The following TPH2 variants were observed in gnomAD, a reference collection of about 807,000 sequenced individuals.
The protein encoded by TPH2 is tryptophan hydroxylase 2, also known as tryptophan 5-hydroxylase 2.
A neutral mutation model predicts 59.1 loss-of-function variants in TPH2; 27 were observed. The ratio of observed to expected loss-of-function variants is 0.46; its 90% CI spans 0.34 to 0.63. TPH2 has a LOEUF of 0.63. Among genes scored for constraint, TPH2 ranks in the 30% least tolerant of loss-of-function variants. TPH2 has a pLI of 0.01. For missense variants in TPH2, 523 were observed against 588.3 expected, an observed-to-expected ratio of 0.89 and a Z score of 1.15; for synonymous variants, 220 against 210.5, an observed-to-expected ratio of 1.05 and a Z score of -0.39.
chr12:72,023,798 T>C (rs530892380), intron 9 of TPH2, among the ~76,000 whole-genome samples: 1 of 126,854 alleles, frequency 7.9e-6, no homozygotes, highest in East Asian at 2.3e-4. Flanking sequence ...CATTCCAGCC[T>C]GGGAACAGAG....
chr12:72,031,135 A>C, intron 9 of TPH2, 123 bp from the exon 10 acceptor site: 1 of 1,284,868 alleles, frequency 7.8e-7, no homozygotes, highest in Non-Finnish European at 1.1e-6. Context: ...ATTTCATGAC[A>C]GACTAGTAAC....
intron 1 of TPH2, among the ~76,000 whole-genome samples, chr12:71,940,342 C>G (rs1871022282): frequency 6.6e-6 from 1 of 152,088 alleles, no homozygotes; most frequent in Admixed American, 6.5e-5. Flanking sequence ...AACTTCTTCC[C>G]TCCCTCAAGT....
chr12:71,987,508 T>C (rs2139216118), intron 7 of TPH2, among the ~76,000 whole-genome samples: 1 of 152,308 alleles, frequency 6.6e-6, no homozygotes, highest in African/African-American at 2.4e-5. Flanking sequence ...ATACCTAACT[T>C]ACGGGAACTA....
chr12:71,961,626 A>T, intron 5 of TPH2: 1 of 1,352,096 alleles, frequency 7.4e-7, no homozygotes, highest in Non-Finnish European at 9.8e-7. Flanking sequence ...TTTGAGCTCA[A>T]GCTCCTTGTG....
chr12:71,984,271 C>T lies in TPH2; in HGVS notation c.941+5184C>T, dbSNP rs139442326. On this transcript the variant is annotated intron_variant, in intron 7 of 10. Coordinates refer to ENST00000333850, the MANE Select transcript of TPH2 (RefSeq NM_173353.4). ...GTCAGGTGATTTTTCTTATAATTGCCGCTGTTTAATTTTATAAGAAAAATA... is the reference window on the plus strand; with the variant it reads ...GTCAGGTGATTTTTCTTATAATTGCTGCTGTTTAATTTTATAAGAAAAATA... Among the ~76,000 whole-genome samples the T allele has an allele frequency of 3.1e-4, 47 of 152,028 alleles. No individual in the cohort carries two copies. In the East Asian group the frequency reaches 8.3e-3, roughly 27 times the overall value.
intron 7 of TPH2, among the ~76,000 whole-genome samples, chr12:71,979,374 G>T (rs995545854): frequency 6.6e-6 from 1 of 152,160 alleles, no homozygotes; most frequent in East Asian, 1.9e-4. Context: ...AGAAGGCACA[G>T]AAGTGTAAAG....
intron 2 of TPH2, 75 bp from the exon 3 acceptor site, chr12:71,944,219 A>G: frequency 6.5e-7 from 1 of 1,527,046 alleles, no homozygotes; most frequent in East Asian, 2.3e-5. Flanking sequence ...CTTGCTTAAG[A>G]TGTGAACAAG....
intron 8 of TPH2, among the ~76,000 whole-genome samples, chr12:72,005,213 G>A (rs1039724434): frequency 6.6e-6 from 1 of 152,040 alleles, no homozygotes; most frequent in Non-Finnish European, 1.5e-5. Context: ...ACCTTGTGAG[G>A]GGGGTGCTCA....
chr12:71,986,246 A>C (rs1872430678), intron 7 of TPH2, among the ~76,000 whole-genome samples: 1 of 152,166 alleles, frequency 6.6e-6, no homozygotes, highest in African/African-American at 2.4e-5. Context: ...GCTTTAGAAA[A>C]ATACCAAATA....
intron 4 of TPH2, 107 bp from the exon 5 acceptor site, chr12:71,949,481 A>G: frequency 1.1e-6 from 1 of 915,742 alleles, no homozygotes; most frequent in Non-Finnish European, 1.8e-6. Flanking sequence ...CTAGGATAAG[A>G]TTTACATATG....
At chr12:71,991,122 C>T (rs1450169273) in intron 7 of TPH2, among the ~76,000 whole-genome samples, 1 of 152,192 alleles carries the variant, frequency 6.6e-6, no homozygotes, top group Non-Finnish European at 1.5e-5. Context: ...TCTTAACACT[C>T]AGGTGATAGC....
chr12:72,007,745 A>C (rs1872992854), intron 8 of TPH2, among the ~76,000 whole-genome samples: 1 of 151,784 alleles, frequency 6.6e-6, no homozygotes, highest in Admixed American at 6.6e-5. Flanking sequence ...TCTCACAAAA[A>C]CTTTTTTTTT....
rs1425020814 is a variant in TPH2 at position 71,939,772 on chromosome 12, A to G, written c.105+681A>G. The stretch of plus-strand genomic sequence containing the variant: ...AAAAAAGCAGTATTTGCAGGATTTT[A>G]GATCCTGCTTTCAGGTAGTAGTCAT... On this transcript the variant is annotated intron_variant, in intron 1 of 10. Coordinates refer to ENST00000333850, the MANE Select transcript of TPH2 (RefSeq NM_173353.4). Among the ~76,000 whole-genome samples, 3 of 152,244 alleles carry G rather than the reference A, an allele frequency of 2.0e-5. No homozygotes were observed. The East Asian group carries it at 5.8e-4, about 29-fold the overall frequency.
chr12:71,979,106 G>A lies in TPH2; in HGVS notation c.941+19G>A. 6.2e-7 allele frequency: 1 copy of A among 1,614,050 alleles called. No individual in the cohort carries two copies. Among genetic ancestry groups the A allele is most frequent in the Non-Finnish European group, 8.5e-7 (1 of 1,179,990 alleles). Reference sequence around the variant, plus strand: ...CAGAACCGTGAGTACCTACATTAAAGCCCAGGCCACCACACCATAAAGTGG... The same window carrying A: ...CAGAACCGTGAGTACCTACATTAAAACCCAGGCCACCACACCATAAAGTGG... On this transcript the variant is annotated intron_variant, in intron 7 of 10. Transcript: ENST00000333850.
chr12:71,981,227 C>T (rs577269382), intron 7 of TPH2, among the ~76,000 whole-genome samples: 3 of 152,276 alleles, frequency 2.0e-5, no homozygotes, highest in Admixed American at 6.5e-5. Flanking sequence ...CATACATGTG[C>T]AAGGCTTGTT....
At chr12:71,967,875 T>C (rs538439588) in intron 5 of TPH2, among the ~76,000 whole-genome samples, 2 of 152,358 alleles carry the variant, frequency 1.3e-5, no homozygotes, top group South Asian at 4.1e-4. Context: ...GTCTTTTTCA[T>C]TTAAAAAATA....
chr12:71,952,591 G>A (rs1363044627), intron 5 of TPH2, among the ~76,000 whole-genome samples: 1 of 152,124 alleles, frequency 6.6e-6, no homozygotes, highest in Non-Finnish European at 1.5e-5. Context: ...ACCTAAGAGA[G>A]CTTAGAATCC....
chr12:72,022,953 A>G (rs975232929), intron 9 of TPH2, among the ~76,000 whole-genome samples: 1 of 152,230 alleles, frequency 6.6e-6, no homozygotes, highest in South Asian at 2.1e-4. Flanking sequence ...TTCAAAATTA[A>G]TGTGCATTAA....
At chr12:71,982,969 C>T (rs1592397655) in intron 7 of TPH2, among the ~76,000 whole-genome samples, 1 of 152,184 alleles carries the variant, frequency 6.6e-6, no homozygotes, top group Non-Finnish European at 1.5e-5. Context: ...TTTAAAGACT[C>T]TGGCTTCTCT....
Sources: allele counts gnomAD v4.1 joint callset (sites outside exome capture counted in the v4.1 genomes callset), GRCh38; gene constraint gnomAD v4.1.1; transcripts MANE v1.5; gene names NCBI Gene and HGNC (gene_info 2026-07-23, HGNC 2026-07-21).